The following TNFRSF10B variants were observed in gnomAD, a reference collection of about 807,000 sequenced individuals.
The protein encoded by TNFRSF10B is tumor necrosis factor receptor superfamily member 10B.
In TNFRSF10B, 35 loss-of-function variants were observed where a neutral mutation model predicts 41.4. The ratio of observed to expected loss-of-function variants is 0.85; its 90% confidence interval spans 0.65 to 1.12. The LOEUF is 1.12. Among genes scored for constraint, TNFRSF10B ranks in the 50% most tolerant of loss-of-function variants. TNFRSF10B has a pLI of 0.00. For missense variants in TNFRSF10B, 584 were observed against 552.7 expected, an observed-to-expected ratio of 1.06 and a Z score of -0.57; for synonymous variants, 230 against 215.5, an observed-to-expected ratio of 1.07 and a Z score of -0.59.
At position 23,021,896 on chromosome 8, in the gene TNFRSF10B, CTA is replaced by C; in HGVS notation, c.*773_*774del. 2.2e-6 allele frequency: 1 copy of C among 454,052 alleles called. No individual in the cohort carries two copies. The highest frequency in any genetic ancestry group is 4.4e-6 in the Non-Finnish European group (1 of 226,766). The allele number at this position is 454,052 out of a possible 1,614,324, so 28.1% of individuals were successfully genotyped here. A position where few individuals can be genotyped will look rare whatever the true frequency, so the allele number is the denominator to read the frequency against. On this transcript the variant is annotated 3_prime_UTR_variant, in exon 9 of 9. Transcript: ENST00000276431. The stretch of plus-strand genomic sequence containing the variant: ...ATGTTTATCTAATCTATTCACATAA[CTA>C]TGTAAACAAGTACATTTACTAAAGT...
intron 1 of TNFRSF10B, among the ~76,000 whole-genome samples, chr8:23,051,519 T>C (rs1812517041): frequency 6.6e-6 from 1 of 151,930 alleles, no homozygotes; most frequent in South Asian, 2.1e-4. Flanking sequence ...TGAAGATAGT[T>C]ACATCTTGAA....
In TNFRSF10B at chr8:23,068,977, T is replaced by C; in HGVS notation, c.-83A>G. 1 of 1,608,218 alleles carries C rather than the reference T, an allele frequency of 6.2e-7. No homozygotes were observed. Among genetic ancestry groups the C allele is most frequent in the African/African-American group, 1.3e-5 (1 of 74,950 alleles). On this transcript the variant is annotated 5_prime_UTR_variant, in exon 1 of 9. Coordinates refer to ENST00000276431, the MANE Select transcript of TNFRSF10B (RefSeq NM_003842.5). ...GATCGGGCATCGTCGGTGTATTTTG[T>C]GGGCGCAGAGATTGCGGGGTTCTCC...
rs1201835514 is a variant in TNFRSF10B, at chr8:23,022,617, T to C, written c.*54A>G. 6 of 1,608,762 alleles carry C rather than the reference T, an allele frequency of 3.7e-6. No homozygotes were observed. The highest frequency in any genetic ancestry group is 1.7e-4 in the Middle Eastern group (1 of 6,054). On this transcript the variant is annotated 3_prime_UTR_variant, in exon 9 of 9. Transcript: ENST00000276431. ...TACTGACTGGAGTCCAGTTGGGCTT[T>C]TTCCAGAAAAAAGGTAAACCAGGGA...
In TNFRSF10B at chr8:23,028,079, AG is replaced by A. The variant is rs1484867376; in HGVS notation, c.748+251del. The A allele has an allele frequency of 3.3e-5, 20 of 606,936 alleles. No homozygotes were observed. In the East Asian group the frequency reaches 5.3e-4, roughly 16 times the overall value. 37.6% of individuals were successfully genotyped at this position (606,936 alleles called of 1,614,324 possible). Reference sequence around the variant, plus strand: ...CTGCCTGGCTGGGCCTGAAGATGGGAGGAACTGGCCCTGCCCTCCTGGACTT... The same window carrying A: ...CTGCCTGGCTGGGCCTGAAGATGGGAGAACTGGCCCTGCCCTCCTGGACTT... On this transcript the variant is annotated intron_variant, in intron 5 of 8. Coordinates refer to ENST00000276431, the MANE Select transcript of TNFRSF10B (RefSeq NM_003842.5).
intron 1 of TNFRSF10B, among the ~76,000 whole-genome samples, chr8:23,063,307 C>T (rs534171912): frequency 3.7e-4 from 55 of 149,724 alleles, no homozygotes; most frequent in Non-Finnish European, 6.6e-4. Flanking sequence ...GAGATTGCGC[C>T]ATTGCACTCC....
chr8:23,056,300 A>G (rs80022713), intron 1 of TNFRSF10B, among the ~76,000 whole-genome samples: 1,930 of 152,298 alleles, frequency 0.013, 38 homozygotes, highest in African/African-American at 0.044. Context: ...CTGCCCTACT[A>G]TAATAAGTAG....
At chr8:23,044,998 T>C (rs1187354436) in intron 1 of TNFRSF10B, among the ~76,000 whole-genome samples, 3 of 147,750 alleles carry the variant, frequency 2.0e-5, no homozygotes, top group Non-Finnish European at 3.0e-5. Context: ...GATGGATCAC[T>C]TGAGGCCAGG....
At chr8:23,066,969 T>G (rs538943725) in intron 1 of TNFRSF10B, among the ~76,000 whole-genome samples, 1 of 151,822 alleles carries the variant, frequency 6.6e-6, no homozygotes, top group Admixed American at 6.6e-5. Flanking sequence ...CATAACTCTG[T>G]TGTGGCTTTC....
chr8:23,043,549 T>C (rs558775473), intron 1 of TNFRSF10B, among the ~76,000 whole-genome samples: 1 of 152,326 alleles, frequency 6.6e-6, no homozygotes, highest in Admixed American at 6.5e-5. Context: ...CCATTAATAT[T>C]TTGTCTCATT....
chr8:23,023,203 G>A (rs1014119593), intron 8 of TNFRSF10B, among the ~76,000 whole-genome samples: 7 of 152,222 alleles, frequency 4.6e-5, no homozygotes, highest in Non-Finnish European at 1.0e-4. Flanking sequence ...AAAGTCGTCA[G>A]AGAATCAGCC....
At chr8:23,062,026 G>A (rs1812844512) in intron 1 of TNFRSF10B, among the ~76,000 whole-genome samples, 1 of 152,060 alleles carries the variant, frequency 6.6e-6, no homozygotes, top group Non-Finnish European at 1.5e-5. Context: ...TTGGGTATCA[G>A]AGCAATGCTG....
rs114934925 is a variant in TNFRSF10B at position 23,060,835 on chromosome 8, T to A, written c.144+7916A>T. 9.8e-3 allele frequency among the ~76,000 whole-genome samples: 1,485 copies of A among 152,294 alleles called. 30 individuals carry two copies. The highest frequency in any genetic ancestry group is 0.034 in the African/African-American group (1,404 of 41,564). On this transcript the variant is annotated intron_variant, in intron 1 of 8. Transcript: ENST00000276431. Reference sequence around the variant, plus strand: ...TAATGTTTTATAGTTTTCATTGTACTAGTCTTCCACCTCCTTGGTGAGTTT... The same window carrying A: ...TAATGTTTTATAGTTTTCATTGTACAAGTCTTCCACCTCCTTGGTGAGTTT...
Position 23,020,201 on chromosome 8 carries a change from G to A in TNFRSF10B, c.*2470C>T, listed in dbSNP as rs1189585362. On this transcript the variant is annotated 3_prime_UTR_variant, in exon 9 of 9. Coordinates refer to ENST00000276431, the MANE Select transcript of TNFRSF10B (RefSeq NM_003842.5). ...AATACATAAGTATTTTGTACACAAT[G>A]TGCTTCCTTGTTTGTATTATAACAC... 2.2e-6 allele frequency: 1 copy of A among 445,768 alleles called. No homozygotes were observed. The highest frequency in any genetic ancestry group is 2.4e-5 in the Admixed American group (1 of 42,118). 27.6% of individuals were successfully genotyped at this position (445,768 alleles called of 1,614,324 possible).
chr8:23,028,435 A>G lies in TNFRSF10B; in HGVS notation c.644T>C (p.Ile215Thr). The change falls in exon 5 of 9, where the codon ATC becomes ACC. Residue 215 changes from isoleucine (I) to threonine (T), a missense_variant. Physicochemically the swap from Ile to Thr is moderately conservative, Grantham distance 89. Coordinates refer to ENST00000276431, the MANE Select transcript of TNFRSF10B (RefSeq NM_003842.5). Reference sequence around the variant, plus strand: ...TACGGCTGCAACTGTGACTCCTATGATGATGCCTGAGAGAGAACAGGGAGA... The same window carrying G: ...TACGGCTGCAACTGTGACTCCTATGGTGATGCCTGAGAGAGAACAGGGAGA... ...PASPCSLSGIIIGVTVAAVVL... is the reference protein window; with the variant it reads ...PASPCSLSGITIGVTVAAVVL... 6.2e-7 allele frequency: 1 copy of G among 1,614,200 alleles called. No homozygotes were observed. Among genetic ancestry groups the G allele is most frequent in the Non-Finnish European group, 8.5e-7 (1 of 1,180,032 alleles).
chr8:23,040,411 A>T, intron 2 of TNFRSF10B, among the ~76,000 whole-genome samples: 1 of 84,140 alleles, frequency 1.2e-5, no homozygotes, highest in African/African-American at 3.3e-5. Flanking sequence ...ATATATACAA[A>T]ATATATATTT....
Position 23,030,881 on chromosome 8 carries a change from G to A in TNFRSF10B, c.251-9C>T, listed in dbSNP as rs745386091. ...TTCTGAGATATGGTGTCCTGGGAGG[G>A]GAGAGAAAAGCCGGTGAATGAAATG... On this transcript the variant is annotated splice_polypyrimidine_tract_variant and intron_variant, in intron 2 of 8. Coordinates refer to ENST00000276431, the MANE Select transcript of TNFRSF10B (RefSeq NM_003842.5). The A allele has an allele frequency of 3.1e-6, 5 of 1,594,210 alleles. No homozygotes were observed. The highest frequency in any genetic ancestry group is 4.3e-6 in the Non-Finnish European group (5 of 1,166,990).
chr8:23,048,735 A>G (rs1455431708), intron 1 of TNFRSF10B, among the ~76,000 whole-genome samples: 1 of 152,314 alleles, frequency 6.6e-6, no homozygotes, highest in South Asian at 2.1e-4. Flanking sequence ...GTATTCATAA[A>G]TCATAACATA....
At chr8:23,053,225 C>A (rs529391578) in intron 1 of TNFRSF10B, among the ~76,000 whole-genome samples, 1 of 152,296 alleles carries the variant, frequency 6.6e-6, no homozygotes, top group Admixed American at 6.5e-5. Flanking sequence ...TCAGACCTTA[C>A]CTGCATTTCT....
Position 23,021,792 on chromosome 8 carries a change from T to C in TNFRSF10B, c.*879A>G, listed in dbSNP as rs1474147120. On this transcript the variant is annotated 3_prime_UTR_variant, in exon 9 of 9. Coordinates refer to ENST00000276431, the MANE Select transcript of TNFRSF10B (RefSeq NM_003842.5). ...CCAATCATTGAAGCCAAAGTACATC[T>C]GAGGGAGGGCTGGAACCCAGACAGT... 1.1e-5 allele frequency: 5 copies of C among 454,008 alleles called. No homozygotes were observed. Among genetic ancestry groups the C allele is most frequent in the Non-Finnish European group, 2.2e-5 (5 of 226,812 alleles). 28.1% of individuals were successfully genotyped at this position (454,008 alleles called of 1,614,324 possible). A position where few individuals can be genotyped will look rare whatever the true frequency, so the allele number is the denominator to read the frequency against.
Sources: gnomAD v4.1 joint callset for allele counts (sites outside exome capture counted in the v4.1 genomes callset) on GRCh38, gnomAD v4.1.1 for gene constraint, MANE v1.5 for transcripts, NCBI Gene and HGNC (gene_info 2026-07-23, HGNC 2026-07-21) for gene names.